Variants in TBK1 observed in about 807,000 individuals in gnomAD.
TBK1 encodes serine/threonine-protein kinase TBK1.
A neutral mutation model predicts 99.9 loss-of-function variants in TBK1; 37 were observed. The ratio of observed to expected loss-of-function variants is 0.37; its 90% CI spans 0.28 to 0.49. The LOEUF is 0.49. Ranked by LOEUF, TBK1 falls within the 20% of genes least tolerant of loss-of-function variation. The pLI, the probability that TBK1 is intolerant of heterozygous loss-of-function variation, is 0.98. For missense variants in TBK1, 644 were observed against 872.5 expected (o/e 0.74, Z 3.30); for synonymous variants, 258 against 279.8 (o/e 0.92, Z 0.78).
At chr12:64,464,309 C>G (rs1364563027) in intron 3 of TBK1, 25 bp from the exon 4 acceptor site, 4 of 1,474,844 alleles carry the variant, frequency 2.7e-6, no homozygotes, top group Non-Finnish European at 3.6e-6. Flanking sequence ...TATGTTGATT[C>G]CCAATCAATG....
At chr12:64,494,735 A>G (rs552112304) in intron 13 of TBK1, among the ~76,000 whole-genome samples, 1 of 152,346 alleles carries the variant, frequency 6.6e-6, no homozygotes, top group African/African-American at 2.4e-5. Flanking sequence ...ACAGTAAGAT[A>G]CTATTTTTGT....
In TBK1 at chr12:64,464,576, T is replaced by C. The variant is rs1210050643; in HGVS notation, c.358+113T>C. 8 of 797,796 alleles carry C rather than the reference T, an allele frequency of 1.0e-5. No homozygotes were observed. The East Asian group carries it at 1.3e-4, about 13-fold the overall frequency. 49.4% of individuals were successfully genotyped at this position (797,796 alleles called of 1,614,324 possible). On this transcript the variant is annotated intron_variant, in intron 4 of 20. Coordinates refer to ENST00000331710, the MANE Select transcript of TBK1 (RefSeq NM_013254.4). ...CCTTTATGCAATGCTTCATTAGATA[T>C]GACACCAAAAGCACAAATACCAGAA...
Position 64,481,843 on chromosome 12 carries a change from G to A in TBK1, c.814G>A (p.Gly272Ser). Residue 272 changes from glycine to serine, a missense_variant and splice_region_variant, in exon 8 of 21, where the codon GGT (glycine) becomes AGT (serine). Around this residue, in one of 3 missense-constraint regions of TBK1, gnomAD observed 465 missense variants for 588.0 expected, o/e 0.79. Transcript: ENST00000331710. The stretch of plus-strand genomic sequence containing the variant: ...AGTAACTTTTCAATACTATTTTAGG[G>A]GTCTTCAGGTTCTACTTACCCCTGT... ...DMPVSCSLSR[G>S]LQVLLTPVLA... The A allele has an allele frequency of 6.4e-7, 1 of 1,574,398 alleles. No individual in the cohort carries two copies. Among genetic ancestry groups the A allele is most frequent in the Non-Finnish European group, 8.6e-7 (1 of 1,163,414 alleles).
chr12:64,495,415 T>C, intron 13 of TBK1, 68 bp from the exon 14 acceptor site: 1 of 1,556,270 alleles, frequency 6.4e-7, no homozygotes, highest in Non-Finnish European at 8.7e-7. Flanking sequence ...GACTTTAGAC[T>C]TTGTTGGGAC....
In TBK1 at chr12:64,474,408, C is replaced by G. The variant is rs529103414; in HGVS notation, c.701+18C>G. On this transcript the variant is annotated intron_variant, in intron 6 of 20. Coordinates refer to ENST00000331710, the MANE Select transcript of TBK1 (RefSeq NM_013254.4). ...GAAGTGATGTAAGTGGTTTCCCGAT[C>G]TAAAATCAGAGAAGCATTTAAAAAA... The G allele has an allele frequency of 6.3e-7, 1 of 1,591,654 alleles. No homozygotes were observed. Among genetic ancestry groups the G allele is most frequent in the Non-Finnish European group, 8.6e-7 (1 of 1,167,996 alleles).
intron 17 of TBK1, 26 bp from the exon 18 acceptor site, chr12:64,497,137 A>G (rs1360232909): frequency 6.3e-7 from 1 of 1,580,740 alleles, no homozygotes; most frequent in African/African-American, 1.3e-5. Flanking sequence ...TAGACTGCAT[A>G]TCAATTGATT....
At chr12:64,480,466 G>C (rs1036060328) in intron 7 of TBK1, among the ~76,000 whole-genome samples, 31 of 152,124 alleles carry the variant, frequency 2.0e-4, no homozygotes, top group African/African-American at 7.0e-4. Context: ...TAGTGGATTA[G>C]ATATGAGTAA....
rs763709411 is a variant in TBK1, at chr12:64,499,037, CTTTTTTT to C, written c.2138+1013_2138+1019del. Reference sequence around the variant, plus strand: ...TTTGTTGGGTTTTACTAATTTTATTCTTTTTTTTTTTTTTTTTTTTTCCCCCGAGACG... The same window carrying C: ...TTTGTTGGGTTTTACTAATTTTATTCTTTTTTTTTTTTTTCCCCCGAGACG... On this transcript the variant is annotated intron_variant, in intron 20 of 20. Transcript: ENST00000331710. Among the ~76,000 whole-genome samples, 411 of 79,268 alleles carry C rather than the reference CTTTTTTT, an allele frequency of 5.2e-3. 3 individuals are homozygous for C. Among genetic ancestry groups the C allele is most frequent in the African/African-American group, 0.019 (392 of 20,672 alleles). 52.0% of individuals were successfully genotyped at this position (79,268 alleles called of 152,430 possible). A position where few individuals can be genotyped will look rare whatever the true frequency, so the allele number is the denominator to read the frequency against.
rs1187668773 is a variant in TBK1, at chr12:64,455,051, G to C, written c.-31-789G>C. ...CACCCAGGCTGGAATAGGGTGGCAC[G>C]ATTTCAGCTCACTGCAGCCTCTGCT... On this transcript the variant is annotated intron_variant, in intron 1 of 20. Transcript: ENST00000331710. Among the ~76,000 whole-genome samples, 4 of 141,958 alleles carry C rather than the reference G, an allele frequency of 2.8e-5. No homozygotes were observed. In the East Asian group the frequency reaches 6.3e-4, roughly 22 times the overall value. 93.1% of individuals were successfully genotyped at this position (141,958 alleles called of 152,430 possible). A position where few individuals can be genotyped will look rare whatever the true frequency, so the allele number is the denominator to read the frequency against.
intron 12 of TBK1, among the ~76,000 whole-genome samples, chr12:64,489,600 ACT>A (rs1356713584): frequency 6.8e-6 from 1 of 147,822 alleles, no homozygotes; most frequent in South Asian, 2.1e-4. Context: ...AGAGAGTCTC[ACT>A]CTGTCATCTA....
chr12:64,468,929 A>AGTTCCCTCCATCT (rs1357063719), intron 5 of TBK1, among the ~76,000 whole-genome samples: 2 of 151,994 alleles, frequency 1.3e-5, no homozygotes, highest in Non-Finnish European at 2.9e-5. Flanking sequence ...ACTCCTCGGC[A>AGTTCCCTCCATCT]GTTCCCTCCA....
At chr12:64,463,212 A>G (rs147432446) in intron 3 of TBK1, among the ~76,000 whole-genome samples, 6 of 152,022 alleles carry the variant, frequency 3.9e-5, no homozygotes, top group Admixed American at 3.9e-4. Context: ...TCTACTAAAA[A>G]TACAAAAAAA....
In TBK1 at chr12:64,464,377, G is replaced by T. The variant is rs1196583602; in HGVS notation, c.272G>T (p.Cys91Phe). The T allele has an allele frequency of 1.9e-6, 3 of 1,605,116 alleles. No homozygotes were observed. The highest frequency in any genetic ancestry group is 1.7e-6 in the Non-Finnish European group (2 of 1,176,200). ...GTACTTATTATGGAATTTTGTCCATGTGGGAGTTTATACACTGTTTTAGAA... is the reference window on the plus strand; with the variant it reads ...GTACTTATTATGGAATTTTGTCCATTTGGGAGTTTATACACTGTTTTAGAA... ...HKVLIMEFCP[C>F]GSLYTVLEEP... is the part of the protein sequence containing the mutation. Residue 91 changes from cysteine (C) to phenylalanine (F), a missense_variant, in exon 4 of 21, where the codon TGT becomes TTT. Around this residue, in one of 3 missense-constraint regions of TBK1, gnomAD observed 148 missense variants for 202.1 expected, o/e 0.73. Transcript: ENST00000331710.
intron 4 of TBK1, among the ~76,000 whole-genome samples, chr12:64,465,325 A>G (rs2040592401): frequency 6.6e-6 from 1 of 151,958 alleles, no homozygotes; most frequent in South Asian, 2.1e-4. Context: ...GGATTATAAA[A>G]TGATACAGCC....
At chr12:64,463,857 G>GTTTTTTTTT in intron 3 of TBK1, among the ~76,000 whole-genome samples, 1 of 122,844 alleles carries the variant, frequency 8.1e-6, no homozygotes, top group Admixed American at 8.8e-5. Context: ...GAAAATGTTA[G>GTTTTTTTTT]TTTTTTTTTT....
chr12:64,499,169 G>A (rs1488601758), intron 20 of TBK1, among the ~76,000 whole-genome samples: 1 of 146,838 alleles, frequency 6.8e-6, no homozygotes, highest in Non-Finnish European at 1.5e-5. Flanking sequence ...TCAGCCTCCT[G>A]AGTAGCTGGG....
chr12:64,493,420 A>G (rs1009522406), intron 13 of TBK1, among the ~76,000 whole-genome samples: 1 of 151,612 alleles, frequency 6.6e-6, no homozygotes, highest in Non-Finnish European at 1.5e-5. Context: ...TGAGGCCAGG[A>G]GTTCGAGACC....
chr12:64,489,855 C>T (rs561915468), intron 12 of TBK1, among the ~76,000 whole-genome samples, 186 bp from the exon 13 acceptor site: 26 of 151,248 alleles, frequency 1.7e-4, no homozygotes, highest in Admixed American at 6.6e-4. Flanking sequence ...GAATTACAGG[C>T]GTGAGCCACT....
intron 13 of TBK1, among the ~76,000 whole-genome samples, chr12:64,492,031 T>C (rs2136084155): frequency 6.6e-6 from 1 of 152,338 alleles, no homozygotes; most frequent in South Asian, 2.1e-4. Flanking sequence ...AAACCATAGC[T>C]ATAGAATAAG....
Sources: allele counts gnomAD v4.1 joint callset (sites outside exome capture counted in the v4.1 genomes callset), GRCh38; gene constraint gnomAD v4.1.1; regional missense constraint gnomAD v4.1.1; transcripts MANE v1.5; gene names NCBI Gene and HGNC (gene_info 2026-07-23, HGNC 2026-07-21).